Variants in MAGI2 observed in about 807,000 individuals in gnomAD.
MAGI2 encodes membrane-associated guanylate kinase, WW and PDZ domain-containing protein 2.
In MAGI2, 35 loss-of-function variants were observed where a neutral mutation model predicts 133.3. The observed-to-expected ratio is 0.26, with a 90% CI of 0.20 to 0.35. The LOEUF (loss-of-function observed/expected upper bound fraction) is 0.35. Among genes scored for constraint, MAGI2 ranks in the 10% least tolerant of loss-of-function variants. The probability of loss-of-function intolerance (pLI) is 1.00; values close to 1 mark genes in which losing one functional copy is unlikely to be tolerated. For missense variants in MAGI2, 1,636 were observed against 1,863.4 expected, an observed-to-expected ratio of 0.88 and a Z score of 2.25; for synonymous variants, 729 against 710.6, an observed-to-expected ratio of 1.03 and a Z score of -0.41.
chr7:78,118,108 T>C (rs1354889397), intron 20 of MAGI2, among the ~76,000 whole-genome samples: 1 of 152,104 alleles, frequency 6.6e-6, no homozygotes, highest in Non-Finnish European at 1.5e-5. Context: ...GAAAAAATAG[T>C]TATCTCAACA....
rs115806943 is a variant in MAGI2, at chr7:79,415,925, G to A, written c.301+37095C>T. On this transcript the variant is annotated intron_variant, in intron 1 of 21. Coordinates refer to ENST00000354212, the MANE Select transcript of MAGI2 (RefSeq NM_012301.4). ...GGGGAATAGCAGGAGGTACTGGAAG[G>A]GTAAAACCTTAAAACTTAGTAAGAA... 1.6e-3 allele frequency among the ~76,000 whole-genome samples: 243 copies of A among 151,948 alleles called. 1 individual carries two copies. The highest frequency in any genetic ancestry group is 0.01 in the Middle Eastern group (3 of 294).
rs867948103 is a variant in MAGI2 at position 78,192,931 on chromosome 7, C to T, written c.2269+1943G>A. ...GGAGTCAGGATGTTTGCTGTCCCTG[C>T]GGCTGTAGAGGGAAAGGGCGATGAA... On this transcript the variant is annotated intron_variant, in intron 12 of 21. Coordinates refer to ENST00000354212, the MANE Select transcript of MAGI2 (RefSeq NM_012301.4). Among the ~76,000 whole-genome samples the T allele has an allele frequency of 5.3e-5, 8 of 151,960 alleles. No individual in the cohort carries two copies. The East Asian group carries it at 5.8e-4, about 11-fold the overall frequency.
At chr7:78,085,293 C>T (rs1816494526) in intron 20 of MAGI2, among the ~76,000 whole-genome samples, 1 of 152,056 alleles carries the variant, frequency 6.6e-6, no homozygotes, top group Admixed American at 6.6e-5. Context: ...CTTTGGAAGG[C>T]TGAAGTGGGA....
chr7:79,023,794 C>G (rs2215548), intron 1 of MAGI2, among the ~76,000 whole-genome samples: 89,059 of 151,682 alleles, frequency 0.59, 26,449 homozygotes, highest in East Asian at 0.63. Context: ...TGAAATATTT[C>G]TACAATGAGA....
intron 1 of MAGI2, among the ~76,000 whole-genome samples, chr7:79,045,435 T>G (rs1223707889): frequency 4.6e-5 from 7 of 152,202 alleles, no homozygotes; most frequent in African/African-American, 1.7e-4. Flanking sequence ...GTTATATAAA[T>G]GAAGGTACAT....
At chr7:78,501,826 C>A (rs1440944591) in intron 4 of MAGI2, 39 bp from the exon 5 acceptor site, 3 of 1,491,222 alleles carry the variant, frequency 2.0e-6, no homozygotes, top group Admixed American at 1.7e-5. Flanking sequence ...TCACTCCAAC[C>A]ATGGTAACTC....
chr7:78,468,105 C>T (rs1441671623), intron 6 of MAGI2, among the ~76,000 whole-genome samples: 1 of 152,102 alleles, frequency 6.6e-6, no homozygotes, highest in Non-Finnish European at 1.5e-5. Context: ...TTGACTTTTA[C>T]TTAGTGCAAC....
chr7:79,240,565 C>G (rs1423456518), intron 1 of MAGI2, among the ~76,000 whole-genome samples: 1 of 152,042 alleles, frequency 6.6e-6, no homozygotes, highest in Admixed American at 6.6e-5. Context: ...ACTTGGTGAT[C>G]TAGAAATCTA....
In MAGI2 at chr7:78,541,522, C is replaced by T. The variant is rs138524252; in HGVS notation, c.539-19877G>A. Among the ~76,000 whole-genome samples the T allele has an allele frequency of 3.9e-4, 60 of 152,272 alleles. 1 individual carries two copies. In the East Asian group the frequency reaches 0.01, roughly 26 times the overall value. Reference sequence around the variant, plus strand: ...ACATCCTGTAAAGAAAGATGCAGTCCTGGTGGTATTTCTTGACTTTCATGA... The same window carrying T: ...ACATCCTGTAAAGAAAGATGCAGTCTTGGTGGTATTTCTTGACTTTCATGA... On this transcript the variant is annotated intron_variant, in intron 3 of 21. Transcript: ENST00000354212.
chr7:78,837,595 T>C (rs1791752742), intron 2 of MAGI2, among the ~76,000 whole-genome samples: 1 of 152,150 alleles, frequency 6.6e-6, no homozygotes, highest in East Asian at 1.9e-4. Flanking sequence ...GCATATGTAA[T>C]ATTCTAACAA....
intron 2 of MAGI2, among the ~76,000 whole-genome samples, chr7:78,988,417 C>T (rs112751242): frequency 2.6e-5 from 4 of 151,798 alleles, no homozygotes; most frequent in African/African-American, 4.8e-5. Context: ...TAGCACAAAA[C>T]AAAAAAATAT....
At chr7:79,352,003 G>A (rs552514465) in intron 1 of MAGI2, 2 of 152,236 alleles carry the variant, frequency 1.3e-5, no homozygotes, top group African/African-American at 2.4e-5. Context: ...ATTGAAATGC[G>A]TTCCCTTTTC....
At chr7:78,871,773 G>T (rs937758915) in intron 2 of MAGI2, among the ~76,000 whole-genome samples, 1 of 151,908 alleles carries the variant, frequency 6.6e-6, no homozygotes, top group Non-Finnish European at 1.5e-5. Flanking sequence ...TTAGCAGGAA[G>T]ACAATTTTAA....
At chr7:78,750,051 G>A (rs1190612218) in intron 2 of MAGI2, among the ~76,000 whole-genome samples, 5 of 151,960 alleles carry the variant, frequency 3.3e-5, no homozygotes, top group African/African-American at 9.7e-5. Context: ...ACCCCGACAG[G>A]CCCTGGTATG....
intron 3 of MAGI2, among the ~76,000 whole-genome samples, chr7:78,592,010 T>C (rs900069495): frequency 6.6e-6 from 1 of 152,166 alleles, no homozygotes; most frequent in Non-Finnish European, 1.5e-5. Flanking sequence ...AAATTCCTTA[T>C]ATTGAGGAGT....
intron 9 of MAGI2, among the ~76,000 whole-genome samples, chr7:78,313,045 G>A (rs1185866162): frequency 6.6e-6 from 1 of 151,868 alleles, no homozygotes; most frequent in African/African-American, 2.4e-5. Flanking sequence ...GCGAAATCAT[G>A]TCTTTTGCAG....
At chr7:79,134,280 A>G (rs969391142) in intron 1 of MAGI2, among the ~76,000 whole-genome samples, 2 of 152,206 alleles carry the variant, frequency 1.3e-5, no homozygotes, top group African/African-American at 2.4e-5. Flanking sequence ...AAAGAGAAAA[A>G]TTTGTTAAAA....
intron 1 of MAGI2, among the ~76,000 whole-genome samples, chr7:79,251,829 C>T (rs914052263): frequency 1.3e-5 from 2 of 151,820 alleles, no homozygotes; most frequent in African/African-American, 4.8e-5. Context: ...GATTTGTAAG[C>T]GATCTAAATG....
intron 2 of MAGI2, among the ~76,000 whole-genome samples, chr7:78,832,804 T>G (rs963743392): frequency 2.6e-5 from 4 of 152,162 alleles, no homozygotes; most frequent in Admixed American, 2.6e-4. Flanking sequence ...GCATGTGATG[T>G]GCTTCCCCCT....
Sources: gnomAD v4.1 joint callset for allele counts (sites outside exome capture counted in the v4.1 genomes callset) on GRCh38, gnomAD v4.1.1 for gene constraint, MANE v1.5 for transcripts, NCBI Gene and HGNC (gene_info 2026-07-23, HGNC 2026-07-21) for gene names.